Variants in TOM1L2 observed in about 807,000 individuals in gnomAD.
TOM1L2 encodes the protein TOM1-like protein 2.
A neutral mutation model predicts 67.9 loss-of-function variants in TOM1L2; 31 were observed. That is an observed-to-expected ratio of 0.46 (90% confidence interval 0.34 to 0.62). TOM1L2 has a LOEUF of 0.62. TOM1L2 is among the 20% of genes least tolerant of loss of function. TOM1L2 has a pLI of 0.01. For missense variants in TOM1L2, 606 were observed against 663.5 expected (o/e 0.91, Z 0.95); for synonymous variants, 256 against 254.0 (o/e 1.01, Z -0.07).
intron 1 of TOM1L2, among the ~76,000 whole-genome samples, chr17:17,956,105 C>T (rs988702832): frequency 2.6e-5 from 4 of 152,166 alleles, no homozygotes; most frequent in African/African-American, 7.2e-5. Context: ...CTCCCCCGCA[C>T]GAAAAAGGAC....
intron 1 of TOM1L2, among the ~76,000 whole-genome samples, chr17:17,911,277 C>G (rs1279683279): frequency 6.6e-6 from 1 of 152,142 alleles, no homozygotes; most frequent in East Asian, 1.9e-4. Flanking sequence ...GGAGCCGTAT[C>G]TGATTACCCG....
chr17:17,898,215 C>T (rs1022376210), intron 3 of TOM1L2, among the ~76,000 whole-genome samples: 1 of 152,012 alleles, frequency 6.6e-6, no homozygotes, highest in African/African-American at 2.4e-5. Flanking sequence ...TGAGTCACCG[C>T]GCCTGGCCAA....
chr17:17,893,641 G>A lies in TOM1L2; in HGVS notation c.366+20C>T. ...TCATCTTACTCTGTTCCAACAAATT[G>A]GGCAAGGGGTCCAACCTACCTGGAT... On this transcript the variant is annotated intron_variant, in intron 4 of 14. Coordinates refer to ENST00000379504, the MANE Select transcript of TOM1L2 (RefSeq NM_001082968.2). 3.7e-6 allele frequency: 6 copies of A among 1,609,476 alleles called. No individual in the cohort carries two copies. The highest frequency in any genetic ancestry group is 5.1e-6 in the Non-Finnish European group (6 of 1,177,434).
chr17:17,957,567 C>T (rs540949560), intron 1 of TOM1L2, among the ~76,000 whole-genome samples: 4 of 151,978 alleles, frequency 2.6e-5, no homozygotes, highest in Admixed American at 2.6e-4. Context: ...CATTTTACTA[C>T]AAGTAAACTA....
At chr17:17,946,587 T>A (rs941495104) in intron 1 of TOM1L2, among the ~76,000 whole-genome samples, 1 of 152,186 alleles carries the variant, frequency 6.6e-6, no homozygotes, top group Non-Finnish European at 1.5e-5. Flanking sequence ...AACTTAATCC[T>A]TTGCTAACAT....
At chr17:17,937,942 G>C (rs896762081) in intron 1 of TOM1L2, among the ~76,000 whole-genome samples, 9 of 152,154 alleles carry the variant, frequency 5.9e-5, no homozygotes, top group Non-Finnish European at 1.2e-4. Context: ...GCCTAATAGA[G>C]AACCACACTC....
intron 1 of TOM1L2, among the ~76,000 whole-genome samples, chr17:17,942,431 G>A (rs1004037760): frequency 6.6e-6 from 1 of 152,044 alleles, no homozygotes; most frequent in Non-Finnish European, 1.5e-5. Context: ...ATGTAAAATG[G>A]GGATTAAAAA....
intron 6 of TOM1L2, among the ~76,000 whole-genome samples, chr17:17,880,982 G>A (rs1281957532): frequency 1.3e-5 from 2 of 152,162 alleles, no homozygotes; most frequent in East Asian, 1.9e-4. Context: ...GTTCCCACTC[G>A]CTGTGCCATC....
At chr17:17,897,869 A>G (rs1232228732) in intron 3 of TOM1L2, among the ~76,000 whole-genome samples, 1 of 152,106 alleles carries the variant, frequency 6.6e-6, no homozygotes, top group Non-Finnish European at 1.5e-5. Flanking sequence ...TTAATGTCCA[A>G]AAAGTTCAGC....
At chr17:17,891,485 G>A (rs2038270595) in intron 4 of TOM1L2, among the ~76,000 whole-genome samples, 1 of 152,164 alleles carries the variant, frequency 6.6e-6, no homozygotes. Flanking sequence ...CACAGCCAGT[G>A]AAGAAGGCTG....
At position 17,872,153 on chromosome 17, in the gene TOM1L2, G is replaced by C. The variant is rs552833210; in HGVS notation, c.778-2680C>G. On this transcript the variant is annotated intron_variant, in intron 7 of 14. Coordinates refer to ENST00000379504, the MANE Select transcript of TOM1L2 (RefSeq NM_001082968.2). ...GTACACAGGAAAACCAACAACACAG[G>C]GGAAACACTCATTACAGAATGAAGC... The C allele has an allele frequency of 4.7e-5, 24 of 508,646 alleles. No individual in the cohort carries two copies. In the East Asian group the frequency reaches 8.9e-4, roughly 19 times the overall value. The allele number at this position is 508,646 out of a possible 1,614,324, so 31.5% of individuals were successfully genotyped here.
intron 1 of TOM1L2, among the ~76,000 whole-genome samples, chr17:17,937,673 C>G (rs1197456961): frequency 6.6e-6 from 1 of 152,182 alleles, no homozygotes; most frequent in Non-Finnish European, 1.5e-5. Flanking sequence ...CAATGACACA[C>G]AGCCCACATG....
chr17:17,850,994 GC>G (rs2035944048), intron 12 of TOM1L2, 42 bp from the exon 13 acceptor site: 1 of 1,607,098 alleles, frequency 6.2e-7, no homozygotes, highest in African/African-American at 1.3e-5. Context: ...CCCCCACACA[GC>G]CAGCGAGGGG....
At chr17:17,914,058 A>T (rs565019646) in intron 1 of TOM1L2, among the ~76,000 whole-genome samples, 1 of 152,204 alleles carries the variant, frequency 6.6e-6, no homozygotes, top group East Asian at 1.9e-4. Context: ...TTCCATCAGG[A>T]TAAGTCTCCT....
intron 1 of TOM1L2, among the ~76,000 whole-genome samples, chr17:17,920,736 G>C (rs1285243012): frequency 6.6e-6 from 1 of 151,944 alleles, no homozygotes; most frequent in Non-Finnish European, 1.5e-5. Flanking sequence ...CTGAGTTCAA[G>C]CAATTCTCCT....
chr17:17,909,544 C>T (rs1038130902), intron 1 of TOM1L2, among the ~76,000 whole-genome samples: 1 of 107,134 alleles, frequency 9.3e-6, no homozygotes, highest in African/African-American at 3.7e-5. Flanking sequence ...CTAGAATAGT[C>T]AAATTTAAAG....
At chr17:17,948,384 C>T (rs1327319836) in intron 1 of TOM1L2, among the ~76,000 whole-genome samples, 3 of 152,180 alleles carry the variant, frequency 2.0e-5, no homozygotes, top group African/African-American at 4.8e-5. Flanking sequence ...TGTGGTGGCT[C>T]ACACCTGTAA....
At chr17:17,854,695 T>A (rs1427914839) in intron 12 of TOM1L2, among the ~76,000 whole-genome samples, 1 of 151,612 alleles carries the variant, frequency 6.6e-6, no homozygotes, top group Non-Finnish European at 1.5e-5. Context: ...TGCCTAATTT[T>A]TTTTTTTTTT....
chr17:17,924,265 G>C (rs1214565265), intron 1 of TOM1L2, among the ~76,000 whole-genome samples: 1 of 152,158 alleles, frequency 6.6e-6, no homozygotes, highest in Non-Finnish European at 1.5e-5. Context: ...GGAAGGGCTG[G>C]GGGAAATGGG....
Sources: gnomAD v4.1 joint callset for allele counts (sites outside exome capture counted in the v4.1 genomes callset) on GRCh38, gnomAD v4.1.1 for gene constraint, MANE v1.5 for transcripts, NCBI Gene and HGNC (gene_info 2026-07-23, HGNC 2026-07-21) for gene names.